The following CELSR3 variants were observed in gnomAD, a reference collection of about 807,000 sequenced individuals.
The protein encoded by CELSR3 is cadherin EGF LAG seven-pass G-type receptor 3.
A neutral mutation model predicts 270.0 loss-of-function variants in CELSR3; 73 were observed. That is an observed-to-expected ratio of 0.27 (90% CI 0.22 to 0.33). The LOEUF (loss-of-function observed/expected upper bound fraction) is 0.33, where lower values mean the gene tolerates loss of function less well. Among genes scored for constraint, CELSR3 ranks in the 10% least tolerant of loss-of-function variants. The pLI, the probability that CELSR3 is intolerant of heterozygous loss-of-function variation, is 1.00. For missense variants in CELSR3, 3,614 were observed against 4,533.8 expected (o/e 0.80, Z 5.83); for synonymous variants, 1,780 against 1,905.4 (o/e 0.93, Z 1.71).
intron 16 of CELSR3, among the ~76,000 whole-genome samples, chr3:48,649,817 C>T (rs1313799822): frequency 1.3e-5 from 2 of 152,152 alleles, no homozygotes; most frequent in Non-Finnish European, 2.9e-5. Context: ...GAATCCCCTC[C>T]CCGCAACAGG....
At chr3:48,648,121 G>A in intron 19 of CELSR3, 125 bp from the exon 20 acceptor site, 1 of 1,440,938 alleles carries the variant, frequency 6.9e-7, no homozygotes, top group South Asian at 1.3e-5. Flanking sequence ...CCAGCTCGGA[G>A]CCTGTCCCTA....
rs770173741 is a variant in CELSR3, at chr3:48,655,553, G to A, written c.4742-159C>T. Among the ~76,000 whole-genome samples, 9 of 152,192 alleles carry A rather than the reference G, an allele frequency of 5.9e-5. No homozygotes were observed. Among genetic ancestry groups the A allele is most frequent in the Non-Finnish European group, 1.0e-4 (7 of 68,036 alleles). On this transcript the variant is annotated intron_variant, in intron 4 of 34. Coordinates refer to ENST00000164024, the MANE Select transcript of CELSR3 (RefSeq NM_001407.3). The surrounding 1 kb of genome is among the most constrained non-coding windows in gnomAD (Gnocchi z 5.8). The stretch of plus-strand genomic sequence containing the variant: ...GGCTCAGAGTGCCTTTGAACAGACA[G>A]GAGAAACAGACTTCTTGGAGGGAGG...
rs778215877 is a variant in CELSR3, at chr3:48,645,608, G to A, written c.7632C>T (p.His2544=). 1.4e-5 allele frequency: 22 copies of A among 1,611,854 alleles called. No homozygotes were observed. The highest frequency in any genetic ancestry group is 3.3e-5 in the South Asian group (3 of 91,076). The part of the protein sequence containing the change: ...GDLELLAVFT[H]VVVAVSVAAL... ...CAGCCACAGACACAGCCACGACCAC[G>A]TGGGTGAACACAGCCAGCAGCTCCA... The change falls in exon 24 of 35, where the codon CAC becomes CAT. Residue 2544 remains histidine (H), a synonymous_variant. Transcript: ENST00000164024. This position sits in a 1 kb window ranked among gnomAD's most constrained non-coding sequence, Gnocchi z 5.4.
In CELSR3 at chr3:48,656,821, C is replaced by T. The variant is rs772558429; in HGVS notation, c.4276G>A (p.Gly1426Arg). 2.5e-6 allele frequency: 4 copies of T among 1,607,432 alleles called. No individual in the cohort carries two copies. Among genetic ancestry groups the T allele is most frequent in the Non-Finnish European group, 2.5e-6 (3 of 1,176,574 alleles). The change falls in exon 2 of 35, where the codon GGA becomes AGA. Residue 1426 changes from glycine to arginine, a missense_variant. Coordinates refer to ENST00000164024, the MANE Select transcript of CELSR3 (RefSeq NM_001407.3). Reference sequence around the variant, plus strand: ...GTCTCGCAAAAGTCTCCCGTGAATCCGGGCGGGCAGCGGCAGCGCAGGCCA... The same window carrying T: ...GTCTCGCAAAAGTCTCCCGTGAATCTGGGCGGGCAGCGGCAGCGCAGGCCA... Reference protein sequence around the residue: ...IAGLRCRCPPGFTGDFCETEL... With the variant: ...IAGLRCRCPPRFTGDFCETEL...
chr3:48,651,163 G>T lies in CELSR3; in HGVS notation c.6187-88C>A. 2.0e-6 allele frequency: 3 copies of T among 1,464,968 alleles called. No homozygotes were observed. Among genetic ancestry groups the T allele is most frequent in the Non-Finnish European group, 1.9e-6 (2 of 1,078,582 alleles). The allele number at this position is 1,464,968 out of a possible 1,614,324, so 90.7% of individuals were successfully genotyped here. On this transcript the variant is annotated intron_variant, in intron 14 of 34. Transcript: ENST00000164024. The surrounding 1 kb of genome is among the most constrained non-coding windows in gnomAD (Gnocchi z 7.4). ...AAGGATAAAGGGTCAAGAGAACAGT[G>T]CTCATGGGCCAGAGGACACCTGGGT...
At position 48,659,127 on chromosome 3, in the gene CELSR3, T is replaced by C; in HGVS notation, c.3508A>G (p.Asn1170Asp). ...TTGTTGAAGAGGATCTGGAAGTTGT[T>C]GAGCACAGGGCTGTTGTCATTCTGG... Reference protein sequence around the residue: ...VDQNDNSPVLNNFQILFNNYV... With the variant: ...VDQNDNSPVLDNFQILFNNYV... The change falls in exon 1 of 35, where the codon AAC becomes GAC. Residue 1170 changes from asparagine (N) to aspartate (D), a missense_variant. By Grantham distance (23) the Asn-to-Asp change is conservative. This residue lies in a region of CELSR3 where 1,331 missense variants were observed against 1,933.7 expected (regional missense o/e 0.69). Transcript: ENST00000164024. This position sits in a 1 kb window ranked among gnomAD's most constrained non-coding sequence, Gnocchi z 8.1. 6.2e-7 allele frequency: 1 copy of C among 1,614,206 alleles called. No individual in the cohort carries two copies. The highest frequency in any genetic ancestry group is 8.5e-7 in the Non-Finnish European group (1 of 1,180,042).
In CELSR3 at chr3:48,650,712, T is replaced by C; in HGVS notation, c.6371-131A>G. ...CCTGCTGGCTTCTCAGGAGCTGACCTGTCAGATTCTGTGACAGGTCAGCAA... is the reference window on the plus strand; with the variant it reads ...CCTGCTGGCTTCTCAGGAGCTGACCCGTCAGATTCTGTGACAGGTCAGCAA... On this transcript the variant is annotated intron_variant, in intron 15 of 34. Coordinates refer to ENST00000164024, the MANE Select transcript of CELSR3 (RefSeq NM_001407.3). This position sits in a 1 kb window ranked among gnomAD's most constrained non-coding sequence, Gnocchi z 5.1. 9.9e-7 allele frequency: 1 copy of C among 1,006,362 alleles called. No homozygotes were observed. Among genetic ancestry groups the C allele is most frequent in the Non-Finnish European group, 1.5e-6 (1 of 689,618 alleles). The allele number at this position is 1,006,362 out of a possible 1,614,324, so 62.3% of individuals were successfully genotyped here.
Position 48,659,316 on chromosome 3 carries a change from C to G in CELSR3, c.3319G>C (p.Val1107Leu), listed in dbSNP as rs780764728. 2.5e-6 allele frequency: 4 copies of G among 1,614,186 alleles called. No homozygotes were observed. The highest frequency in any genetic ancestry group is 3.4e-6 in the Non-Finnish European group (4 of 1,180,034). ...GPNAHIMYQI[V>L]EGNIPELFQM... Reference sequence around the variant, plus strand: ...AACAGCTCAGGGATGTTCCCCTCCACGATCTGGTACATTATATGGGCATTG... The same window carrying G: ...AACAGCTCAGGGATGTTCCCCTCCAGGATCTGGTACATTATATGGGCATTG... Residue 1107 changes from valine (V) to leucine (L), a missense_variant, in exon 1 of 35, where the codon GTG (valine) becomes CTG (leucine). Val to Leu is a conservative substitution (Grantham distance 32). Transcript: ENST00000164024. This position sits in a 1 kb window ranked among gnomAD's most constrained non-coding sequence, Gnocchi z 8.1.
chr3:48,645,638 G>A lies in CELSR3; in HGVS notation c.7602C>T (p.Gly2534=), dbSNP rs1184056755. 12 of 1,608,760 alleles carry A rather than the reference G, an allele frequency of 7.5e-6. No individual in the cohort carries two copies. The highest frequency in any genetic ancestry group is 3.3e-4 in the Middle Eastern group (2 of 6,074). ...TGAACACAGCCAGCAGCTCCAGGTC[G>A]CCCTCCAGCCTCTACAGAGACAGGG... is the stretch of plus-strand genomic sequence containing the variant. ...MDASPRERLE[G]DLELLAVFTH... Residue 2534 remains glycine, a synonymous_variant, in exon 24 of 35, where the codon GGC becomes GGT. Transcript: ENST00000164024. The surrounding 1 kb of genome is among the most constrained non-coding windows in gnomAD (Gnocchi z 5.4).
rs963113947 is a variant in CELSR3, at chr3:48,658,037, C to A, written c.3749-689G>T. ...CCTGCTCGCCACTCCAGACCTGGGT[C>A]CTGTGGTTTCACAGTGACCACCCCA... On this transcript the variant is annotated intron_variant, in intron 1 of 34. Coordinates refer to ENST00000164024, the MANE Select transcript of CELSR3 (RefSeq NM_001407.3). This position sits in a 1 kb window ranked among gnomAD's most constrained non-coding sequence, Gnocchi z 4.7. Among the ~76,000 whole-genome samples, 1 of 152,138 alleles carries A rather than the reference C, an allele frequency of 6.6e-6. No homozygotes were observed. The highest frequency in any genetic ancestry group is 1.5e-5 in the Non-Finnish European group (1 of 68,028).
chr3:48,649,854 G>A (rs2047121708), intron 16 of CELSR3, among the ~76,000 whole-genome samples: 1 of 152,140 alleles, frequency 6.6e-6, no homozygotes, highest in South Asian at 2.1e-4. Flanking sequence ...CAGGCACAGA[G>A]ATACACACGT....
At position 48,645,399 on chromosome 3, in the gene CELSR3, AG is replaced by A. The variant is rs780797058; in HGVS notation, c.7797+43del. On this transcript the variant is annotated intron_variant, in intron 24 of 34. Coordinates refer to ENST00000164024, the MANE Select transcript of CELSR3 (RefSeq NM_001407.3). This position sits in a 1 kb window ranked among gnomAD's most constrained non-coding sequence, Gnocchi z 5.4. ...GTTTTGGCCCCAGGCCTCCTGGGCC[AG>A]TAGGGTCATCAGGACACAAGTTCCC... 3.7e-6 allele frequency: 6 copies of A among 1,609,126 alleles called. No homozygotes were observed. In the South Asian group the frequency reaches 6.6e-5, roughly 18 times the overall value.
In CELSR3 at chr3:48,646,378, G is replaced by T; in HGVS notation, c.7296-121C>A. On this transcript the variant is annotated intron_variant, in intron 21 of 34. Coordinates refer to ENST00000164024, the MANE Select transcript of CELSR3 (RefSeq NM_001407.3). The surrounding 1 kb of genome is among the most constrained non-coding windows in gnomAD (Gnocchi z 4.8). ...CCAGGGTCTGGGATGTCCCCAGAGT[G>T]GAAGCTGTTTCTAAGAATCCCTCCA... 9.2e-7 allele frequency: 1 copy of T among 1,085,952 alleles called. No individual in the cohort carries two copies. Among genetic ancestry groups the T allele is most frequent in the Non-Finnish European group, 1.3e-6 (1 of 772,934 alleles). The allele number at this position is 1,085,952 out of a possible 1,614,324, so 67.3% of individuals were successfully genotyped here.
Position 48,645,389 on chromosome 3 carries a change from C to T in CELSR3, c.7797+54G>A, listed in dbSNP as rs1209529613. ...CTGACCCTGAGTTTTGGCCCCAGGCCTCCTGGGCCAGTAGGGTCATCAGGA... is the reference window on the plus strand; with the variant it reads ...CTGACCCTGAGTTTTGGCCCCAGGCTTCCTGGGCCAGTAGGGTCATCAGGA... On this transcript the variant is annotated intron_variant, in intron 24 of 34. Coordinates refer to ENST00000164024, the MANE Select transcript of CELSR3 (RefSeq NM_001407.3). This position sits in a 1 kb window ranked among gnomAD's most constrained non-coding sequence, Gnocchi z 5.4. 22 of 1,604,322 alleles carry T rather than the reference C, an allele frequency of 1.4e-5. No individual in the cohort carries two copies. Among genetic ancestry groups the T allele is most frequent in the Non-Finnish European group, 1.9e-5 (22 of 1,172,458 alleles).
rs757339125 is a variant in CELSR3, at chr3:48,653,284, T to C, written c.5449-97A>G. 2.6e-6 allele frequency: 3 copies of C among 1,144,858 alleles called. No homozygotes were observed. The highest frequency in any genetic ancestry group is 3.8e-6 in the Non-Finnish European group (3 of 793,102). 70.9% of individuals were successfully genotyped at this position (1,144,858 alleles called of 1,614,324 possible). On this transcript the variant is annotated intron_variant, in intron 9 of 34. Coordinates refer to ENST00000164024, the MANE Select transcript of CELSR3 (RefSeq NM_001407.3). This position sits in a 1 kb window ranked among gnomAD's most constrained non-coding sequence, Gnocchi z 6.5. ...GCTCAGAGGTCAGGAATATCAGAGGTCAGAACAGTGGGGTCAAGGTTATAC... is the reference window on the plus strand; with the variant it reads ...GCTCAGAGGTCAGGAATATCAGAGGCCAGAACAGTGGGGTCAAGGTTATAC...
rs766872849 is a variant in CELSR3, at chr3:48,641,274, G to A, written c.9025+50C>T. 2.4e-6 allele frequency: 3 copies of A among 1,239,690 alleles called. No homozygotes were observed. The highest frequency in any genetic ancestry group is 3.5e-6 in the Non-Finnish European group (3 of 845,306). The allele number at this position is 1,239,690 out of a possible 1,614,324, so 76.8% of individuals were successfully genotyped here. On this transcript the variant is annotated intron_variant, in intron 33 of 34. Coordinates refer to ENST00000164024, the MANE Select transcript of CELSR3 (RefSeq NM_001407.3). The surrounding 1 kb of genome is among the most constrained non-coding windows in gnomAD (Gnocchi z 4.8). The stretch of plus-strand genomic sequence containing the variant: ...GCTGCAATCCCTTGGCTCAGGGCAT[G>A]AGCAGCCCCCAGCGTGTCTGCGGTG...
chr3:48,657,295 C>G lies in CELSR3; in HGVS notation c.3802G>C (p.Glu1268Gln). Reference protein sequence around the residue: ...QCVLRVVIITEELLANSLTVR... With the variant: ...QCVLRVVIITQELLANSLTVR... ...GTCAGGCTGTTGGCCAGCAACTCCT[C>G]CGTGATGATGACCACGCGCAGCACA... The change falls in exon 2 of 35, where the codon GAG (glutamate) becomes CAG (glutamine). Residue 1268 changes from glutamate (E) to glutamine (Q), a missense_variant. Coordinates refer to ENST00000164024, the MANE Select transcript of CELSR3 (RefSeq NM_001407.3). This position sits in a 1 kb window ranked among gnomAD's most constrained non-coding sequence, Gnocchi z 5.4. 6.2e-7 allele frequency: 1 copy of G among 1,610,910 alleles called. No individual in the cohort carries two copies. Among genetic ancestry groups the G allele is most frequent in the East Asian group, 2.2e-5 (1 of 44,738 alleles).
At position 48,644,618 on chromosome 3, in the gene CELSR3, G is replaced by T; in HGVS notation, c.8085+98C>A. 1.1e-6 allele frequency: 1 copy of T among 945,256 alleles called. No homozygotes were observed. Among genetic ancestry groups the T allele is most frequent in the Non-Finnish European group, 1.6e-6 (1 of 607,802 alleles). 58.6% of individuals were successfully genotyped at this position (945,256 alleles called of 1,614,324 possible). A position where few individuals can be genotyped will look rare whatever the true frequency, so the allele number is the denominator to read the frequency against. The stretch of plus-strand genomic sequence containing the variant: ...AATGAAGGCCGAGCCCAGGAAGCCT[G>T]CAGAATGCCACCTGACCGCCCTCAG... On this transcript the variant is annotated intron_variant, in intron 26 of 34. Transcript: ENST00000164024. This position sits in a 1 kb window ranked among gnomAD's most constrained non-coding sequence, Gnocchi z 4.8.
Position 48,661,735 on chromosome 3 carries a change from G to A in CELSR3, c.900C>T (p.Ala300=), listed in dbSNP as rs147483684. The change falls in exon 1 of 35, where the codon GCC becomes GCT. Residue 300 remains alanine, a synonymous_variant. Transcript: ENST00000164024. ...AGGTTACTTTCCTGGCTTCAGGACGGGCCGGGAGTCCCGGGGGACGCGGCC... is the reference window on the plus strand; with the variant it reads ...AGGTTACTTTCCTGGCTTCAGGACGAGCCGGGAGTCCCGGGGGACGCGGCC... ...RPGPRPPGLP[A]RPEARKVTSA... The A allele has an allele frequency of 8.4e-5, 133 of 1,582,414 alleles. No homozygotes were observed. The African/African-American group carries it at 1.4e-3, about 17-fold the overall frequency.
Sources: allele counts gnomAD v4.1 joint callset (sites outside exome capture counted in the v4.1 genomes callset), GRCh38; gene constraint gnomAD v4.1.1; regional missense constraint gnomAD v4.1.1; non-coding constraint Gnocchi (gnomAD v3.1); transcripts MANE v1.5; gene names NCBI Gene and HGNC (gene_info 2026-07-23, HGNC 2026-07-21).